Variants in CCDC146 observed in about 807,000 individuals in gnomAD.
CCDC146 encodes the protein coiled-coil domain containing 146.
A neutral mutation model predicts 119.3 loss-of-function variants in CCDC146; 92 were observed. The observed-to-expected ratio is 0.77, with a 90% CI of 0.65 to 0.92. CCDC146 has a LOEUF of 0.92. CCDC146 is among the 40% of genes least tolerant of loss of function. The pLI, the probability that CCDC146 is intolerant of heterozygous loss-of-function variation, is 0.00. For missense variants in CCDC146, 1,000 were observed against 1,103.0 expected (o/e 0.91, Z 1.32); for synonymous variants, 372 against 371.8 (o/e 1.00, Z -0.01).
intron 2 of CCDC146, among the ~76,000 whole-genome samples, chr7:77,211,736 C>A (rs1299378705): frequency 2.0e-5 from 3 of 152,122 alleles, no homozygotes; most frequent in Non-Finnish European, 2.9e-5. Flanking sequence ...CTGCCTCAGC[C>A]TCCTGAGTAG....
At chr7:77,188,191 A>G (rs1448036705) in intron 2 of CCDC146, among the ~76,000 whole-genome samples, 1 of 152,176 alleles carries the variant, frequency 6.6e-6, no homozygotes, top group Non-Finnish European at 1.5e-5. Flanking sequence ...TTTGTTGCTT[A>G]CTTAAACTGC....
chr7:77,151,276 G>T (rs1412177609), intron 1 of CCDC146, among the ~76,000 whole-genome samples: 2 of 152,066 alleles, frequency 1.3e-5, no homozygotes, highest in Non-Finnish European at 2.9e-5. Flanking sequence ...TTTAGCATAT[G>T]AATATTGGGG....
chr7:77,129,590 C>A (rs1244278808), intron 1 of CCDC146, among the ~76,000 whole-genome samples: 6 of 152,054 alleles, frequency 3.9e-5, no homozygotes, highest in Non-Finnish European at 8.8e-5. Context: ...CAGTCATCCA[C>A]TGGGGATCTT....
chr7:77,144,565 C>T (rs9769627), intron 1 of CCDC146, among the ~76,000 whole-genome samples: 1 of 151,328 alleles, frequency 6.6e-6, no homozygotes, highest in South Asian at 2.1e-4. Context: ...GTCATAAATA[C>T]CTCTTATTAT....
intron 4 of CCDC146, among the ~76,000 whole-genome samples, chr7:77,247,142 A>ATTT (rs1170018208): frequency 1.3e-5 from 2 of 152,222 alleles, no homozygotes; most frequent in African/African-American, 4.8e-5. Context: ...TAGGATTATA[A>ATTT]TCTTTAAAAA....
intron 2 of CCDC146, among the ~76,000 whole-genome samples, chr7:77,205,095 C>T (rs1792059160): frequency 6.6e-6 from 1 of 152,106 alleles, no homozygotes; most frequent in Non-Finnish European, 1.5e-5. Context: ...TTCTTATAAT[C>T]CCAAAACAAA....
chr7:77,202,411 G>T (rs1792009044), intron 2 of CCDC146, among the ~76,000 whole-genome samples: 1 of 152,236 alleles, frequency 6.6e-6, no homozygotes, highest in African/African-American at 2.4e-5. Flanking sequence ...AAATGTGCGT[G>T]TCAAGCACTG....
chr7:77,238,514 T>C (rs570832561), intron 3 of CCDC146, among the ~76,000 whole-genome samples: 224 of 152,204 alleles, frequency 1.5e-3, no homozygotes, highest in Non-Finnish European at 2.4e-3. Flanking sequence ...CCTCCCAGGT[T>C]CACGCCATTC....
intron 2 of CCDC146, among the ~76,000 whole-genome samples, chr7:77,226,155 A>G (rs1346584170): frequency 6.6e-6 from 1 of 152,246 alleles, no homozygotes; most frequent in African/African-American, 2.4e-5. Context: ...CAGTTTTGAG[A>G]GCTCAATGCA....
intron 11 of CCDC146, among the ~76,000 whole-genome samples, chr7:77,275,456 G>T (rs1377578185): frequency 6.6e-6 from 1 of 152,196 alleles, no homozygotes; most frequent in South Asian, 2.1e-4. Context: ...TGGGAAAGGA[G>T]ATCATTGATA....
intron 2 of CCDC146, among the ~76,000 whole-genome samples, chr7:77,176,837 T>C (rs1791507163): frequency 6.6e-6 from 1 of 152,162 alleles, no homozygotes; most frequent in Admixed American, 6.6e-5. Context: ...ATGTTGGTTT[T>C]TTAAATAAAT....
rs1793707586 is a variant in CCDC146 at position 77,278,853 on chromosome 7, T to TGTG, written c.1529+17_1529+19dup. On this transcript the variant is annotated intron_variant, in intron 12 of 18. Transcript: ENST00000285871. Reference sequence around the variant, plus strand: ...AAATTTATCGGAGGTAAAGTAATTATGTGGTGTTTTATCTACGTAGGTGAG... The same window carrying TGTG: ...AAATTTATCGGAGGTAAAGTAATTATGTGGTGGTGTTTTATCTACGTAGGTGAG... 6.2e-7 allele frequency: 1 copy of TGTG among 1,604,910 alleles called. No homozygotes were observed. Among genetic ancestry groups the TGTG allele is most frequent in the Admixed American group, 1.7e-5 (1 of 59,616 alleles).
At chr7:77,225,123 G>A (rs117637283) in intron 2 of CCDC146, among the ~76,000 whole-genome samples, 2,376 of 152,304 alleles carry the variant, frequency 0.016, 21 homozygotes, top group Non-Finnish European at 0.024. Context: ...AGCTAACACT[G>A]ATTAAGACTT....
At chr7:77,262,031 T>A in intron 8 of CCDC146, 90 bp from the exon 9 acceptor site, 2 of 1,078,876 alleles carry the variant, frequency 1.9e-6, no homozygotes, top group Admixed American at 5.2e-5. Flanking sequence ...TGGGAGCCAA[T>A]ATTCAGCATG....
chr7:77,199,851 C>A, intron 2 of CCDC146: 1 of 1,546,184 alleles, frequency 6.5e-7, no homozygotes, highest in Non-Finnish European at 8.7e-7. Flanking sequence ...GCTTTAATAG[C>A]GGCAGCTGCC....
At chr7:77,134,538 A>G (rs915929061) in intron 1 of CCDC146, among the ~76,000 whole-genome samples, 4 of 130,458 alleles carry the variant, frequency 3.1e-5, no homozygotes, top group Admixed American at 7.8e-5. Flanking sequence ...GGCTAAGGCC[A>G]CTCTGTGTGT....
At chr7:77,194,365 C>T (rs951828188) in intron 2 of CCDC146, 12 of 151,880 alleles carry the variant, frequency 7.9e-5, no homozygotes, top group African/African-American at 1.7e-4. Flanking sequence ...TAAAAAACAA[C>T]GTCAGTTACA....
intron 3 of CCDC146, among the ~76,000 whole-genome samples, chr7:77,240,088 G>A (rs1378507863): frequency 6.6e-6 from 1 of 152,246 alleles, no homozygotes; most frequent in Non-Finnish European, 1.5e-5. Context: ...TAAGTGGGGA[G>A]AGATTTTCCT....
At chr7:77,292,720 A>T (rs2150560228) in intron 17 of CCDC146, among the ~76,000 whole-genome samples, 1 of 152,106 alleles carries the variant, frequency 6.6e-6, no homozygotes, top group African/African-American at 2.4e-5. Context: ...GAAATCCAGT[A>T]ACTAGATAAA....
Sources: allele counts gnomAD v4.1 joint callset (sites outside exome capture counted in the v4.1 genomes callset), GRCh38; gene constraint gnomAD v4.1.1; transcripts MANE v1.5; gene names NCBI Gene and HGNC (gene_info 2026-07-23, HGNC 2026-07-21).